Variants in FOXN4 observed in about 807,000 individuals in gnomAD.
FOXN4 encodes forkhead box N4.
FOXN4 carries 12 observed loss-of-function variants against 45.0 expected under a neutral mutation model. That is an observed-to-expected ratio of 0.27 (90% CI 0.17 to 0.43). The LOEUF is 0.43. Ranked by LOEUF, FOXN4 falls within the 20% of genes least tolerant of loss-of-function variation. The pLI is 1.00. For missense variants in FOXN4, 560 were observed against 694.9 expected (o/e 0.81, Z 2.18); for synonymous variants, 297 against 295.0 (o/e 1.01, Z -0.07).
intron 1 of FOXN4, 53 bp from the exon 2 acceptor site, chr12:109,308,377 G>A: frequency 7.9e-7 from 1 of 1,262,094 alleles, no homozygotes; most frequent in Non-Finnish European, 1.1e-6. Context: ...GATATGGACA[G>A]GGCAGAAACC....
chr12:109,281,453 A>G lies in FOXN4; in HGVS notation c.1248T>C (p.Thr416=). ...TGCTCGGGTCGAGGGCATCCACCTC[A>G]GTGTTCATGTCGGTGCTGATGTTGA... is the stretch of plus-strand genomic sequence containing the variant. ...DFINISTDMN[T]EVDALDPSIM... Residue 416 remains threonine (T), a synonymous_variant, in exon 9 of 10, where the codon ACT becomes ACC. Coordinates refer to ENST00000299162, the MANE Select transcript of FOXN4 (RefSeq NM_213596.3). 6.2e-7 allele frequency: 1 copy of G among 1,613,904 alleles called. No homozygotes were observed. Among genetic ancestry groups the G allele is most frequent in the East Asian group, 2.2e-5 (1 of 44,880 alleles).
Position 109,281,642 on chromosome 12 carries a change from G to T in FOXN4, c.1059C>A (p.Thr353=). ...GCAGGGGGACTGACTGCAGGGACAG[G>T]GTCATCAGTGGCTGGGGTGGGAGCT... ...VSQLPPQPLM[T]LSLQSVPLHH... The change falls in exon 9 of 10, where the codon ACC becomes ACA. Residue 353 remains threonine (T), a synonymous_variant. Transcript: ENST00000299162. 1 of 1,611,118 alleles carries T rather than the reference G, an allele frequency of 6.2e-7. No individual in the cohort carries two copies. Among genetic ancestry groups the T allele is most frequent in the Non-Finnish European group, 8.5e-7 (1 of 1,178,768 alleles).
chr12:109,303,104 AGAATGTGCATGTGTGTGTGAGTGCAT>A (rs2047882590), intron 2 of FOXN4, among the ~76,000 whole-genome samples: 1 of 152,232 alleles, frequency 6.6e-6, no homozygotes, highest in Admixed American at 6.5e-5. Flanking sequence ...CTTGGGACTT[AGAATGTGCATGTGTGTGTGAGTGCAT>A]GCACACATGT....
chr12:109,285,244 C>CGTGTGTGTGTGTGTGTGT (rs56261774), intron 8 of FOXN4, 60 bp downstream of exon 8: 33 of 1,354,210 alleles, frequency 2.4e-5, no homozygotes, highest in Non-Finnish European at 1.9e-5. Context: ...CTTCCTCTTC[C>CGTGTGTGTGTGTGTGTGT]GTGTGTGTGT....
chr12:109,308,540 T>C (rs1279688191), intron 1 of FOXN4, among the ~76,000 whole-genome samples: 1 of 152,078 alleles, frequency 6.6e-6, no homozygotes, highest in Non-Finnish European at 1.5e-5. Context: ...ATGAAGAGAA[T>C]GAAATGAAAT....
In FOXN4 at chr12:109,288,015, GGGCAC is replaced by G. The variant is rs370696871; in HGVS notation, c.357+36_357+40del. ...GGTGGGGGTAGACACCCAGTCTGGA[GGGCAC>G]TACCCGCCCTCCGCAGTCCATGCAG... On this transcript the variant is annotated intron_variant, in intron 4 of 9. Coordinates refer to ENST00000299162, the MANE Select transcript of FOXN4 (RefSeq NM_213596.3). This position sits in a 1 kb window ranked among gnomAD's most constrained non-coding sequence, Gnocchi z 4.3. The G allele has an allele frequency of 6.5e-7, 1 of 1,549,918 alleles. No individual in the cohort carries two copies. Among genetic ancestry groups the G allele is most frequent in the Non-Finnish European group, 8.7e-7 (1 of 1,146,828 alleles).
Position 109,279,535 on chromosome 12 carries a change from C to G in FOXN4, c.*136G>C. The G allele has an allele frequency of 7.4e-7, 1 of 1,353,756 alleles. No individual in the cohort carries two copies. The highest frequency in any genetic ancestry group is 1.0e-6 in the Non-Finnish European group (1 of 1,004,696). 83.9% of individuals were successfully genotyped at this position (1,353,756 alleles called of 1,614,324 possible). ...CTGCTGAGGGGAACCGCTTCCCTGTCCAGCCGGCAACTTCGCCACAGGTCC... is the reference window on the plus strand; with the variant it reads ...CTGCTGAGGGGAACCGCTTCCCTGTGCAGCCGGCAACTTCGCCACAGGTCC... On this transcript the variant is annotated 3_prime_UTR_variant, in exon 10 of 10. Transcript: ENST00000299162.
chr12:109,294,539 G>T (rs2047798658), intron 2 of FOXN4, among the ~76,000 whole-genome samples: 1 of 152,264 alleles, frequency 6.6e-6, no homozygotes. Context: ...GCCCATGCCA[G>T]AATGTCCACC....
rs750857833 is a variant in FOXN4, at chr12:109,281,726, G to A, written c.975C>T (p.Ala325=). The A allele has an allele frequency of 6.2e-7, 1 of 1,609,864 alleles. No homozygotes were observed. The highest frequency in any genetic ancestry group is 8.5e-7 in the Non-Finnish European group (1 of 1,178,438). ...CTGTGGTGGCGTGAGTCAGCACGGG[G>A]GCCTCTGGTTCCCCCGGTTTGCCGG... ...RRPGKPGEPE[A]PVLTHATTVA... The change falls in exon 9 of 10, where the codon GCC becomes GCT. Residue 325 remains alanine (A), a synonymous_variant. Transcript: ENST00000299162.
intron 2 of FOXN4, among the ~76,000 whole-genome samples, chr12:109,302,666 T>C (rs187368579): frequency 6.6e-6 from 1 of 152,266 alleles, no homozygotes; most frequent in East Asian, 1.9e-4. Context: ...CATTTCTCTC[T>C]TCCCACTTCA....
chr12:109,299,810 G>A (rs1354295569), intron 2 of FOXN4, among the ~76,000 whole-genome samples: 1 of 152,174 alleles, frequency 6.6e-6, no homozygotes, highest in Admixed American at 6.5e-5. Flanking sequence ...TTACTTCATG[G>A]GTGTTACCTG....
At chr12:109,308,967 G>A (rs887125623) in intron 1 of FOXN4, among the ~76,000 whole-genome samples, 152 bp downstream of exon 1, 1 of 152,304 alleles carries the variant, frequency 6.6e-6, no homozygotes, top group East Asian at 1.9e-4. Flanking sequence ...CCTCAGTTCC[G>A]CCCCCAAAGC....
rs976624623 is a variant in FOXN4 at position 109,278,960 on chromosome 12, G to A, written c.*711C>T. The A allele has an allele frequency of 1.3e-4, 20 of 152,392 alleles. No homozygotes were observed. Among genetic ancestry groups the A allele is most frequent in the Admixed American group, 1.1e-3 (17 of 15,296 alleles). 9.4% of individuals were successfully genotyped at this position (152,392 alleles called of 1,614,324 possible). ...GAAGGAGTCCCATTCCAGAGGCCTC[G>A]GGATGGGTTTGCAGAAGTGGGGTGG... is the stretch of plus-strand genomic sequence containing the variant. On this transcript the variant is annotated 3_prime_UTR_variant, in exon 10 of 10. Transcript: ENST00000299162.
At chr12:109,286,799 A>C (rs923815112) in intron 6 of FOXN4, 55 bp from the exon 7 acceptor site, 1 of 1,554,702 alleles carries the variant, frequency 6.4e-7, no homozygotes, top group Non-Finnish European at 8.6e-7. Context: ...CAGGCCAGGC[A>C]TGAAAGGGTC....
At chr12:109,286,773 G>A (rs866036226) in intron 6 of FOXN4, 29 bp from the exon 7 acceptor site, 2 of 1,582,166 alleles carry the variant, frequency 1.3e-6, no homozygotes, top group Non-Finnish European at 1.7e-6. Flanking sequence ...GCAGGGCAGG[G>A]CAGGGCAGGA....
Position 109,290,080 on chromosome 12 carries a change from G to T in FOXN4, c.232+61C>A. On this transcript the variant is annotated intron_variant, in intron 3 of 9. Coordinates refer to ENST00000299162, the MANE Select transcript of FOXN4 (RefSeq NM_213596.3). This position sits in a 1 kb window ranked among gnomAD's most constrained non-coding sequence, Gnocchi z 5.1. ...GGCTGCACAGTGGGTGGGTGGCAGGGCTGGGAATCACCCCTCTCCTATATC... is the reference window on the plus strand; with the variant it reads ...GGCTGCACAGTGGGTGGGTGGCAGGTCTGGGAATCACCCCTCTCCTATATC... The T allele has an allele frequency of 6.8e-7, 1 of 1,471,944 alleles. No individual in the cohort carries two copies. The highest frequency in any genetic ancestry group is 9.1e-7 in the Non-Finnish European group (1 of 1,103,724). The allele number at this position is 1,471,944 out of a possible 1,614,324, so 91.2% of individuals were successfully genotyped here. A position where few individuals can be genotyped will look rare whatever the true frequency, so the allele number is the denominator to read the frequency against.
rs368160766 is a variant in FOXN4 at position 109,290,268 on chromosome 12, G to A, written c.105C>T (p.Ser35=). 20 of 1,549,582 alleles carry A rather than the reference G, an allele frequency of 1.3e-5. No individual in the cohort carries two copies. Among genetic ancestry groups the A allele is most frequent in the African/African-American group, 8.2e-5 (6 of 73,022 alleles). ...PQEYRLLATT[S]DDDLPGDLQS... The stretch of plus-strand genomic sequence containing the variant: ...GCAGGTCCCCGGGAAGGTCATCATC[G>A]CTGGTGGTGGCTAGAAGCCTGCAAA... Residue 35 remains serine (S), a synonymous_variant, in exon 3 of 10, where the codon AGC becomes AGT. Coordinates refer to ENST00000299162, the MANE Select transcript of FOXN4 (RefSeq NM_213596.3). The surrounding 1 kb of genome is among the most constrained non-coding windows in gnomAD (Gnocchi z 5.1).
rs146550988 is a variant in FOXN4 at position 109,281,506 on chromosome 12, C to G, written c.1195G>C (p.Ala399Pro). Reference protein sequence around the residue: ...DLSPSPLPHPAMGRAPVDFIN... With the variant: ...DLSPSPLPHPPMGRAPVDFIN... ...AAGTCTACAGGAGCCCTTCCCATGGCGGGGTGGGGGAGCGGGCTGGGGCTG... is the reference window on the plus strand; with the variant it reads ...AAGTCTACAGGAGCCCTTCCCATGGGGGGGTGGGGGAGCGGGCTGGGGCTG... The change falls in exon 9 of 10, where the codon GCC (alanine) becomes CCC (proline). Residue 399 changes from alanine to proline, a missense_variant. Physicochemically the swap from Ala to Pro is conservative, Grantham distance 27. Coordinates refer to ENST00000299162, the MANE Select transcript of FOXN4 (RefSeq NM_213596.3). 6.2e-6 allele frequency: 10 copies of G among 1,613,874 alleles called. No homozygotes were observed. The African/African-American group carries it at 9.3e-5, about 15-fold the overall frequency.
chr12:109,284,704 G>T (rs1368947987), intron 8 of FOXN4, among the ~76,000 whole-genome samples: 1 of 150,830 alleles, frequency 6.6e-6, no homozygotes, highest in African/African-American at 2.4e-5. Flanking sequence ...GCCTCACCGG[G>T]GTTGGCTACG....
Sources: gnomAD v4.1 joint callset for allele counts (sites outside exome capture counted in the v4.1 genomes callset) on GRCh38, gnomAD v4.1.1 for gene constraint, Gnocchi (gnomAD v3.1) non-coding constraint, MANE v1.5 for transcripts, NCBI Gene and HGNC (gene_info 2026-07-23, HGNC 2026-07-21) for gene names.